LARS2: variants seen among roughly 807,000 people sequenced by gnomAD.
LARS2 encodes the protein leucyl-tRNA synthetase 2, mitochondrial, also known as leucine--tRNA ligase, mitochondrial.
In LARS2, 81 loss-of-function variants were observed where a neutral mutation model predicts 116.6. The ratio of observed to expected loss-of-function variants is 0.69; its 90% CI spans 0.58 to 0.84. The LOEUF is 0.84. Among genes scored for constraint, LARS2 ranks in the 40% least tolerant of loss-of-function variants. The pLI, the probability that LARS2 is intolerant of heterozygous loss-of-function variation, is 0.00. For synonymous variants in LARS2, 396 were observed against 407.2 expected, an observed-to-expected ratio of 0.97 and a Z score of 0.33; for missense variants, 968 against 1,114.5, an observed-to-expected ratio of 0.87 and a Z score of 1.87.
At chr3:45,422,556 A>C (rs1006709136) in intron 6 of LARS2, 4 of 152,188 alleles carry the variant, frequency 2.6e-5, no homozygotes, top group African/African-American at 9.6e-5. Flanking sequence ...ATTAAAAAAA[A>C]TTTTCAAACA....
At chr3:45,513,054 C>A in intron 15 of LARS2, 81 bp from the exon 16 acceptor site, 1 of 941,380 alleles carries the variant, frequency 1.1e-6, no homozygotes, top group Non-Finnish European at 1.7e-6. Context: ...TCTGCCCATC[C>A]GAGGGAAGGT....
chr3:45,476,699 A>C, intron 10 of LARS2, 72 bp downstream of exon 10: 1 of 1,518,996 alleles, frequency 6.6e-7, no homozygotes, highest in Non-Finnish European at 9.1e-7. Flanking sequence ...CCCAGAGTTC[A>C]AGGTCCTTTC....
At chr3:45,425,001 T>C (rs1453911760) in intron 6 of LARS2, among the ~76,000 whole-genome samples, 1 of 152,216 alleles carries the variant, frequency 6.6e-6, no homozygotes, top group Non-Finnish European at 1.5e-5. Context: ...TGGTTTCTAG[T>C]ACAGATATTA....
chr3:45,434,919 G>GT (rs1419761153), intron 6 of LARS2, among the ~76,000 whole-genome samples: 2 of 152,146 alleles, frequency 1.3e-5, no homozygotes, highest in Non-Finnish European at 2.9e-5. Context: ...AAGCCACCTT[G>GT]TTACTGTTCC....
chr3:45,505,411 C>T (rs934368733), intron 15 of LARS2, among the ~76,000 whole-genome samples: 9 of 151,408 alleles, frequency 5.9e-5, no homozygotes, highest in Non-Finnish European at 7.4e-5. Context: ...TCAGGCCAGG[C>T]GTGGTGGTTC....
rs1335325558 is a variant in LARS2, at chr3:45,520,206, C to A, written c.2215-13C>A. 1.9e-6 allele frequency: 3 copies of A among 1,577,918 alleles called. No homozygotes were observed. The highest frequency in any genetic ancestry group is 2.2e-5 in the South Asian group (2 of 90,214). On this transcript the variant is annotated splice_polypyrimidine_tract_variant and intron_variant, in intron 18 of 21. Coordinates refer to ENST00000645846, the MANE Select transcript of LARS2 (RefSeq NM_015340.4). ...ATTTTGAAATAAGTAAATAATTGAACCTTTACTAATAGGTGACCACCCATT... is the reference window on the plus strand; with the variant it reads ...ATTTTGAAATAAGTAAATAATTGAAACTTTACTAATAGGTGACCACCCATT...
chr3:45,520,389 C>A, intron 19 of LARS2, 93 bp downstream of exon 19: 2 of 819,680 alleles, frequency 2.4e-6, no homozygotes, highest in Admixed American at 2.1e-5. Flanking sequence ...CAGAGAGCAC[C>A]CCCACTGTGT....
At chr3:45,522,227 G>T (rs1700466629) in intron 19 of LARS2, among the ~76,000 whole-genome samples, 1 of 152,192 alleles carries the variant, frequency 6.6e-6, no homozygotes, top group Non-Finnish European at 1.5e-5. Flanking sequence ...TCGGCTATCA[G>T]GTTGATTGTG....
chr3:45,529,354 G>A (rs1368021313), intron 20 of LARS2, among the ~76,000 whole-genome samples: 1 of 151,960 alleles, frequency 6.6e-6, no homozygotes, highest in African/African-American at 2.4e-5. Flanking sequence ...ATCACCTGAG[G>A]TCGGGAGTTC....
At chr3:45,402,200 G>T (rs1698165428) in intron 4 of LARS2, among the ~76,000 whole-genome samples, 1 of 152,122 alleles carries the variant, frequency 6.6e-6, no homozygotes, top group African/African-American at 2.4e-5. Context: ...CTGTTAAAAG[G>T]ATTCAAAGAG....
chr3:45,506,002 A>G (rs1489896267), intron 15 of LARS2, among the ~76,000 whole-genome samples: 4 of 152,098 alleles, frequency 2.6e-5, no homozygotes, highest in African/African-American at 4.8e-5. Flanking sequence ...TGCATTGCCA[A>G]TTTGCAGATC....
At chr3:45,477,408 A>G (rs1022075208) in intron 10 of LARS2, among the ~76,000 whole-genome samples, 3 of 152,210 alleles carry the variant, frequency 2.0e-5, no homozygotes, top group Admixed American at 6.5e-5. Context: ...CTACTCTAAC[A>G]CCGCCTTCAG....
At chr3:45,456,934 C>T (rs1699222989) in intron 7 of LARS2, among the ~76,000 whole-genome samples, 1 of 152,208 alleles carries the variant, frequency 6.6e-6, no homozygotes, top group East Asian at 1.9e-4. Context: ...GTCTCTGGAT[C>T]AGTCAGGGTC....
intron 6 of LARS2, among the ~76,000 whole-genome samples, chr3:45,433,244 A>T (rs1369100485): frequency 6.6e-6 from 1 of 152,082 alleles, no homozygotes; most frequent in Non-Finnish European, 1.5e-5. Flanking sequence ...TAGACCATTT[A>T]CATGTAATAT....
At chr3:45,506,883 T>A (rs1575300978) in intron 15 of LARS2, 1 of 152,086 alleles carries the variant, frequency 6.6e-6, no homozygotes, top group African/African-American at 2.4e-5. Flanking sequence ...ACAGTTAGGC[T>A]TGCAGTTTGT....
At chr3:45,498,193 C>A (rs11721185) in intron 14 of LARS2, among the ~76,000 whole-genome samples, 78,250 of 152,120 alleles carry the variant, frequency 0.51, 24,043 homozygotes, top group East Asian at 0.78. Flanking sequence ...GTTACCGTGG[C>A]GGGAGAGACA....
intron 12 of LARS2, among the ~76,000 whole-genome samples, chr3:45,490,627 C>T (rs1427258871): frequency 6.6e-6 from 1 of 152,164 alleles, no homozygotes; most frequent in Non-Finnish European, 1.5e-5. Context: ...ATAAACATAG[C>T]TGTATTTTCT....
intron 8 of LARS2, among the ~76,000 whole-genome samples, chr3:45,466,862 GC>G (rs1253410688): frequency 1.3e-5 from 2 of 152,072 alleles, no homozygotes; most frequent in Non-Finnish European, 2.9e-5. Context: ...GATTACAGGC[GC>G]CTGCCACCAT....
At chr3:45,467,864 A>G (rs769339965) in intron 8 of LARS2, among the ~76,000 whole-genome samples, 8 of 152,180 alleles carry the variant, frequency 5.3e-5, no homozygotes, top group Non-Finnish European at 1.0e-4. Context: ...AGGTGGGTAG[A>G]TCGCTTGAGC....
Sources: gnomAD v4.1 joint callset for allele counts (sites outside exome capture counted in the v4.1 genomes callset) on GRCh38, gnomAD v4.1.1 for gene constraint, MANE v1.5 for transcripts, NCBI Gene and HGNC (gene_info 2026-07-23, HGNC 2026-07-21) for gene names.